PPP2R2B: variants seen among roughly 807,000 people sequenced by gnomAD.
PPP2R2B encodes serine/threonine-protein phosphatase 2A 55 kDa regulatory subunit B beta isoform.
A neutral mutation model predicts 46.0 loss-of-function variants in PPP2R2B; 5 were observed. That is an observed-to-expected ratio of 0.11 (90% CI 0.06 to 0.23). PPP2R2B has a LOEUF of 0.23. Among genes scored for constraint, PPP2R2B ranks in the 10% least tolerant of loss-of-function variants. PPP2R2B has a pLI of 1.00. For missense variants in PPP2R2B, 367 were observed against 575.0 expected, an observed-to-expected ratio of 0.64 and a Z score of 3.70; for synonymous variants, 215 against 206.7, an observed-to-expected ratio of 1.04 and a Z score of -0.34.
At chr5:146,735,381 C>A (rs987647171) in intron 2 of PPP2R2B, among the ~76,000 whole-genome samples, 1 of 151,432 alleles carries the variant, frequency 6.6e-6, no homozygotes, top group Admixed American at 6.6e-5. Flanking sequence ...AGACAGAGAA[C>A]CCTGAGGGGA....
intron 6 of PPP2R2B, among the ~76,000 whole-genome samples, chr5:146,646,349 A>G (rs1183651010): frequency 6.6e-6 from 1 of 152,216 alleles, no homozygotes; most frequent in African/African-American, 2.4e-5. Flanking sequence ...TTTCATAAAG[A>G]AGCAACATCT....
At chr5:146,837,111 C>T (rs1759332881) in intron 2 of PPP2R2B, among the ~76,000 whole-genome samples, 2 of 152,154 alleles carry the variant, frequency 1.3e-5, no homozygotes, top group Non-Finnish European at 2.9e-5. Flanking sequence ...TAGGATTTTT[C>T]AACTTTACGA....
At chr5:146,700,588 T>C (rs1338534701) in intron 3 of PPP2R2B, among the ~76,000 whole-genome samples, 1 of 152,084 alleles carries the variant, frequency 6.6e-6, no homozygotes, top group Non-Finnish European at 1.5e-5. Flanking sequence ...TTTACCCCCT[T>C]AGGTGAGGTA....
intron 2 of PPP2R2B, among the ~76,000 whole-genome samples, chr5:146,803,079 T>G (rs2151307610): frequency 1.3e-5 from 2 of 152,308 alleles, no homozygotes; most frequent in South Asian, 4.1e-4. Context: ...CTTCATATGC[T>G]CCAAATGCTA....
intron 1 of PPP2R2B, chr5:147,035,178 T>A (rs776545132): frequency 8.4e-5 from 38 of 451,868 alleles, no homozygotes; most frequent in Non-Finnish European, 9.3e-5. Flanking sequence ...CAGTTCTGCA[T>A]GGCTGGGGAG....
chr5:146,619,249 G>C (rs1419666745), intron 7 of PPP2R2B, among the ~76,000 whole-genome samples: 2 of 150,444 alleles, frequency 1.3e-5, no homozygotes, highest in Non-Finnish European at 2.9e-5. Context: ...GTTTCCACCT[G>C]AGGTCAGCAG....
At chr5:146,987,150 T>A (rs1753468649) in intron 1 of PPP2R2B, among the ~76,000 whole-genome samples, 1 of 152,170 alleles carries the variant, frequency 6.6e-6, no homozygotes, top group African/African-American at 2.4e-5. Flanking sequence ...ATACTATATC[T>A]GGCAAAGCTA....
At chr5:146,859,363 A>G (rs1760852182) in intron 2 of PPP2R2B, among the ~76,000 whole-genome samples, 1 of 152,322 alleles carries the variant, frequency 6.6e-6, no homozygotes, top group South Asian at 2.1e-4. Flanking sequence ...TAATGTATCA[A>G]CCTGTTTGGA....
intron 2 of PPP2R2B, among the ~76,000 whole-genome samples, chr5:146,708,585 C>T (rs1485490085): frequency 6.6e-6 from 1 of 151,914 alleles, no homozygotes; most frequent in East Asian, 1.9e-4. Flanking sequence ...ACAATTCTTC[C>T]AAAAGAAGTA....
intron 5 of PPP2R2B, among the ~76,000 whole-genome samples, chr5:146,656,045 A>G (rs1776310136): frequency 6.6e-6 from 1 of 152,190 alleles, no homozygotes; most frequent in South Asian, 2.1e-4. Flanking sequence ...TATTCATTCA[A>G]CAAATACTTA....
chr5:147,079,405 T>C (rs1757899670), intron 2 of PPP2R2B, among the ~76,000 whole-genome samples: 1 of 142,504 alleles, frequency 7.0e-6, no homozygotes. Flanking sequence ...ATATAATATA[T>C]ATAATATACA....
intron 2 of PPP2R2B, among the ~76,000 whole-genome samples, chr5:146,726,935 A>T (rs1229862653): frequency 2.0e-5 from 3 of 152,198 alleles, no homozygotes; most frequent in Non-Finnish European, 4.4e-5. Context: ...TAGGATACAC[A>T]TTATGGTAAG....
At chr5:146,998,787 C>A (rs1325485042) in intron 1 of PPP2R2B, among the ~76,000 whole-genome samples, 2 of 152,074 alleles carry the variant, frequency 1.3e-5, no homozygotes, top group Non-Finnish European at 2.9e-5. Flanking sequence ...CTTCAGCCTT[C>A]TCTTTTTTCC....
At chr5:146,697,566 CT>C (rs1779252411) in intron 4 of PPP2R2B, among the ~76,000 whole-genome samples, 1 of 152,174 alleles carries the variant, frequency 6.6e-6, no homozygotes, top group South Asian at 2.1e-4. Flanking sequence ...CAGCCATCTG[CT>C]TTACAGACCC....
chr5:146,956,035 C>G (rs1751887709), intron 1 of PPP2R2B, among the ~76,000 whole-genome samples: 2 of 151,928 alleles, frequency 1.3e-5, no homozygotes, highest in African/African-American at 4.8e-5. Context: ...CCTCGGCTTC[C>G]CAAAGTGCTG....
At chr5:146,840,189 G>A (rs1759543598) in intron 2 of PPP2R2B, among the ~76,000 whole-genome samples, 1 of 152,196 alleles carries the variant, frequency 6.6e-6, no homozygotes, top group Non-Finnish European at 1.5e-5. Flanking sequence ...GGGTTCAAAT[G>A]CAGGCTTGTC....
intron 6 of PPP2R2B, among the ~76,000 whole-genome samples, chr5:146,643,856 T>C (rs1321745810): frequency 6.6e-6 from 1 of 152,254 alleles, no homozygotes; most frequent in East Asian, 1.9e-4. Context: ...TGTGAGTCCA[T>C]ATCCTAAACT....
intron 2 of PPP2R2B, among the ~76,000 whole-genome samples, chr5:146,796,186 T>C (rs896211492): frequency 6.6e-6 from 1 of 152,166 alleles, no homozygotes; most frequent in Non-Finnish European, 1.5e-5. Flanking sequence ...TGCAGAAGCA[T>C]CTTGTTCTTA....
At chr5:146,934,988 T>C (rs78889991) in intron 1 of PPP2R2B, among the ~76,000 whole-genome samples, 2,207 of 152,302 alleles carry the variant, frequency 0.014, 54 homozygotes, top group East Asian at 0.068. Context: ...TTACCATTGA[T>C]TAATTTATGC....
Sources: gnomAD v4.1 joint callset for allele counts (sites outside exome capture counted in the v4.1 genomes callset) on GRCh38, gnomAD v4.1.1 for gene constraint, MANE v1.5 for transcripts, NCBI Gene and HGNC (gene_info 2026-07-23, HGNC 2026-07-21) for gene names.